The following PLPP1 variants were observed in gnomAD, a reference collection of about 807,000 sequenced individuals.
The protein encoded by PLPP1 is lipid phosphate phosphohydrolase 1a.
PLPP1 carries 24 observed loss-of-function variants against 31.2 expected under a neutral mutation model. The observed-to-expected ratio is 0.77, with a 90% CI of 0.56 to 1.08. PLPP1 has a LOEUF of 1.08. Ranked by LOEUF, PLPP1 falls within the 50% of genes least tolerant of loss-of-function variation. PLPP1 has a pLI of 0.00. For missense variants in PLPP1, 319 were observed against 342.7 expected (o/e 0.93, Z 0.55); for synonymous variants, 146 against 126.3 (o/e 1.16, Z -1.05).
intron 1 of PLPP1, among the ~76,000 whole-genome samples, chr5:55,495,736 TACACACAC>T (rs139449145): frequency 6.6e-6 from 1 of 150,936 alleles, no homozygotes; most frequent in South Asian, 2.1e-4. Context: ...TCATATGTAT[TACACACAC>T]ACACACACAG....
intron 3 of PLPP1, among the ~76,000 whole-genome samples, chr5:55,450,928 A>G (rs1172760390): frequency 1.3e-5 from 2 of 152,180 alleles, no homozygotes; most frequent in Non-Finnish European, 2.9e-5. Flanking sequence ...ATTTTAAATC[A>G]CTTTCTAAAG....
intron 4 of PLPP1, among the ~76,000 whole-genome samples, chr5:55,432,586 T>A (rs1027845681): frequency 1.3e-5 from 2 of 152,044 alleles, no homozygotes; most frequent in Admixed American, 6.6e-5. Context: ...AAGAAACCCA[T>A]AAGCCAATAT....
At chr5:55,530,809 G>GGCGT in intron 1 of PLPP1, 1 of 1,395,170 alleles carries the variant, frequency 7.2e-7, no homozygotes, top group Middle Eastern at 1.8e-4. Context: ...GGTCCGCACG[G>GGCGT]GCGTTTTGAG....
In PLPP1 at chr5:55,525,261, G is replaced by A. The variant is rs528826358; in HGVS notation, c.58+9311C>T. Among the ~76,000 whole-genome samples, 49 of 152,304 alleles carry A rather than the reference G, an allele frequency of 3.2e-4. No homozygotes were observed. The South Asian group carries it at 9.5e-3, about 30-fold the overall frequency. ...CATACATCATGCATATTAAGTGCAA[G>A]GCACTTTACATATTGATTCACTTAA... On this transcript the variant is annotated intron_variant, in intron 1 of 5. Transcript: ENST00000307259.
At chr5:55,429,432 G>A (rs868212871) in intron 4 of PLPP1, among the ~76,000 whole-genome samples, 11 of 152,142 alleles carry the variant, frequency 7.2e-5, no homozygotes, top group Admixed American at 5.9e-4. Flanking sequence ...ACCTGGCAGG[G>A]ATTGGTTGGG....
At chr5:55,438,929 G>T (rs1486726318) in intron 4 of PLPP1, among the ~76,000 whole-genome samples, 1 of 151,470 alleles carries the variant, frequency 6.6e-6, no homozygotes, top group Non-Finnish European at 1.5e-5. Context: ...GTACATAAAT[G>T]TAAAAAGCAA....
At chr5:55,459,720 T>C (rs1340586096) in intron 3 of PLPP1, among the ~76,000 whole-genome samples, 1 of 152,230 alleles carries the variant, frequency 6.6e-6, no homozygotes. Context: ...TTGTTAGCCC[T>C]TGAACAACTC....
chr5:55,470,912 A>G (rs1752399931), intron 2 of PLPP1, among the ~76,000 whole-genome samples: 1 of 152,222 alleles, frequency 6.6e-6, no homozygotes, highest in Non-Finnish European at 1.5e-5. Context: ...ATGAAGTTCA[A>G]AGCTAATAAT....
intron 3 of PLPP1, among the ~76,000 whole-genome samples, chr5:55,448,692 C>T (rs993236397): frequency 3.9e-5 from 6 of 152,126 alleles, no homozygotes; most frequent in African/African-American, 1.4e-4. Flanking sequence ...AGGTGATCCA[C>T]CCACCTCAGC....
At chr5:55,477,990 AAAG>A (rs1377417917) in intron 1 of PLPP1, among the ~76,000 whole-genome samples, 14 of 151,602 alleles carry the variant, frequency 9.2e-5, no homozygotes, top group South Asian at 2.1e-4. Context: ...AAAAAAAAAA[AAAG>A]AAAGAAAGAA....
At chr5:55,485,107 GT>G (rs1397087893) in intron 1 of PLPP1, 1 of 152,126 alleles carries the variant, frequency 6.6e-6, no homozygotes, top group Admixed American at 6.5e-5. Context: ...AGCTCTATGA[GT>G]TGTTTTAGCC....
chr5:55,515,192 G>C lies in PLPP1; in HGVS notation c.58+19380C>G, dbSNP rs73126129. Among the ~76,000 whole-genome samples the C allele has an allele frequency of 3.6e-3, 546 of 152,282 alleles. 1 individual carries two copies. The highest frequency in any genetic ancestry group is 0.012 in the African/African-American group (506 of 41,544). On this transcript the variant is annotated intron_variant, in intron 1 of 5. Transcript: ENST00000307259. ...TAGAAAACAATATATCAAATTCTCA[G>C]CAATGAGGGTTCTGTAAGGGTGGTC...
chr5:55,425,860 T>G lies in PLPP1; in HGVS notation c.726+3A>C, dbSNP rs759243164. On this transcript the variant is annotated splice_donor_region_variant and intron_variant, in intron 5 of 5. Transcript: ENST00000307259. ...GATGTAGGCTGTTGACCTGTATACT[T>G]ACAACTAATATTGCAACCAGAGCTC... 2 of 1,599,464 alleles carry G rather than the reference T, an allele frequency of 1.3e-6. No homozygotes were observed. Among genetic ancestry groups the G allele is most frequent in the Non-Finnish European group, 1.7e-6 (2 of 1,174,932 alleles).
intron 1 of PLPP1, among the ~76,000 whole-genome samples, chr5:55,515,566 G>A (rs1376014203): frequency 1.3e-5 from 2 of 152,144 alleles, no homozygotes; most frequent in Non-Finnish European, 2.9e-5. Flanking sequence ...ACTCACCACT[G>A]AAATGGCTTT....
At chr5:55,457,141 C>CA (rs1336998587) in intron 3 of PLPP1, among the ~76,000 whole-genome samples, 2 of 145,548 alleles carry the variant, frequency 1.4e-5, no homozygotes, top group Non-Finnish European at 3.0e-5. Flanking sequence ...GGCTGGGCGA[C>CA]AGAGTGAGAC....
chr5:55,457,014 C>T (rs972765689), intron 3 of PLPP1, among the ~76,000 whole-genome samples: 21 of 151,682 alleles, frequency 1.4e-4, no homozygotes, highest in Admixed American at 5.9e-4. Flanking sequence ...ACAAAAATTA[C>T]CCGGGGAGGG....
chr5:55,456,913 G>A (rs1016865705), intron 3 of PLPP1, among the ~76,000 whole-genome samples: 1 of 152,138 alleles, frequency 6.6e-6, no homozygotes, highest in Non-Finnish European at 1.5e-5. Context: ...TATAATCCCA[G>A]CACTTTGGGA....
intron 1 of PLPP1, among the ~76,000 whole-genome samples, chr5:55,478,849 C>G (rs2111820685): frequency 6.6e-6 from 1 of 152,202 alleles, no homozygotes; most frequent in South Asian, 2.1e-4. Context: ...AATATCCTGA[C>G]TTCAAGTTTT....
At chr5:55,477,178 A>G (rs1752568835) in intron 1 of PLPP1, among the ~76,000 whole-genome samples, 2 of 152,306 alleles carry the variant, frequency 1.3e-5, no homozygotes, top group Admixed American at 6.5e-5. Context: ...AGTTTTCAAT[A>G]CATATACCAT....
Sources: gnomAD v4.1 joint callset for allele counts (sites outside exome capture counted in the v4.1 genomes callset) on GRCh38, gnomAD v4.1.1 for gene constraint, MANE v1.5 for transcripts, NCBI Gene and HGNC (gene_info 2026-07-23, HGNC 2026-07-21) for gene names.